The following RPRD2 variants were observed in gnomAD, a reference collection of about 807,000 sequenced individuals.
RPRD2 encodes the protein regulation of nuclear pre-mRNA domain containing 2.
In RPRD2, 12 loss-of-function variants were observed where a neutral mutation model predicts 104.4. That is an observed-to-expected ratio of 0.11 (90% CI 0.07 to 0.19). RPRD2 has a LOEUF of 0.19. Ranked by LOEUF, RPRD2 falls within the 10% of genes least tolerant of loss-of-function variation. The probability of loss-of-function intolerance (pLI) is 1.00; values close to 1 mark genes in which losing one functional copy is unlikely to be tolerated. For synonymous variants in RPRD2, 714 were observed against 684.9 expected (o/e 1.04, Z -0.66); for missense variants, 1,543 against 1,790.1 (o/e 0.86, Z 2.49).
intron 1 of RPRD2, among the ~76,000 whole-genome samples, chr1:150,369,256 C>G (rs1660080897): frequency 6.6e-6 from 1 of 151,984 alleles, no homozygotes; most frequent in South Asian, 2.1e-4. Flanking sequence ...ATTATCATTT[C>G]TGTACTTCGT....
At chr1:150,459,057 A>T (rs755018415) in intron 8 of RPRD2, among the ~76,000 whole-genome samples, 1 of 152,230 alleles carries the variant, frequency 6.6e-6, no homozygotes, top group Non-Finnish European at 1.5e-5. Context: ...GGGGTCACTT[A>T]TACTGGAATT....
chr1:150,394,499 T>G (rs587603170), intron 1 of RPRD2, among the ~76,000 whole-genome samples: 8 of 152,324 alleles, frequency 5.3e-5, no homozygotes, highest in South Asian at 2.1e-4. Context: ...TATAGAGAGA[T>G]AGAGCTGATG....
chr1:150,384,450 C>CATCATCATTATTATTATTATTATT (rs1553881396), intron 1 of RPRD2, among the ~76,000 whole-genome samples: 31 of 132,342 alleles, frequency 2.3e-4, no homozygotes. Context: ...GCATCATCAT[C>CATCATCATTATTATTATTATTATT]ATTATTATTA....
chr1:150,462,458 AAAAC>A (rs1377201645), intron 9 of RPRD2, among the ~76,000 whole-genome samples: 3 of 142,322 alleles, frequency 2.1e-5, no homozygotes, highest in Non-Finnish European at 4.6e-5. Context: ...AAAAAAACAA[AAAAC>A]AAAAAAAAAA....
intron 2 of RPRD2, among the ~76,000 whole-genome samples, chr1:150,430,797 C>T (rs1293235084): frequency 4.0e-5 from 6 of 151,898 alleles, no homozygotes; most frequent in Non-Finnish European, 7.4e-5. Context: ...GACCTGGTGG[C>T]GCATGCCTGT....
intron 10 of RPRD2, among the ~76,000 whole-genome samples, chr1:150,467,039 T>C (rs781864321): frequency 2.6e-5 from 4 of 152,178 alleles, no homozygotes; most frequent in Non-Finnish European, 4.4e-5. Flanking sequence ...TATCCTACAA[T>C]GTGTGAGACA....
chr1:150,404,258 G>A (rs980705672), intron 1 of RPRD2, among the ~76,000 whole-genome samples: 1 of 151,880 alleles, frequency 6.6e-6, no homozygotes, highest in African/African-American at 2.4e-5. Flanking sequence ...TTTTGTTTTT[G>A]TTTTTTGAGA....
At chr1:150,386,121 ATTT>A (rs1267536012) in intron 1 of RPRD2, among the ~76,000 whole-genome samples, 5 of 152,094 alleles carry the variant, frequency 3.3e-5, no homozygotes, top group Non-Finnish European at 7.4e-5. Context: ...GTTCTTACCT[ATTT>A]TTATTTATTT....
chr1:150,460,951 CTG>C (rs1667895529), intron 9 of RPRD2, among the ~76,000 whole-genome samples: 1 of 151,758 alleles, frequency 6.6e-6, no homozygotes, highest in Non-Finnish European at 1.5e-5. Context: ...TCTCAAACTC[CTG>C]ACCTCAGGTG....
At position 150,472,105 on chromosome 1, in the gene RPRD2, G is replaced by C. The variant is rs1170515632; in HGVS notation, c.3157G>C (p.Asp1053His). 1.9e-6 allele frequency: 3 copies of C among 1,613,850 alleles called. No homozygotes were observed. Among genetic ancestry groups the C allele is most frequent in the Non-Finnish European group, 2.5e-6 (3 of 1,179,896 alleles). Residue 1053 changes from aspartate (D) to histidine (H), a missense_variant, in exon 11 of 11, where the codon GAT (aspartate) becomes CAT (histidine). Physicochemically the swap from Asp to His is moderately conservative, Grantham distance 81. Transcript: ENST00000369068. ...CACCCAACCCAGCTTGACCGCCACTGATCAGCAGCAACAAGAAGAGCACTA... is the reference window on the plus strand; with the variant it reads ...CACCCAACCCAGCTTGACCGCCACTCATCAGCAGCAACAAGAAGAGCACTA... ...NLTQPSLTAT[D>H]QQQQEEHYRI...
chr1:150,458,580 G>A (rs910530436), intron 8 of RPRD2, among the ~76,000 whole-genome samples: 1 of 152,228 alleles, frequency 6.6e-6, no homozygotes, highest in Admixed American at 6.5e-5. Context: ...GAAAATATTT[G>A]GGATATATTA....
intron 6 of RPRD2, among the ~76,000 whole-genome samples, chr1:150,444,995 T>C (rs1666663101): frequency 6.6e-6 from 1 of 152,142 alleles, no homozygotes; most frequent in African/African-American, 2.4e-5. Context: ...GAGACTAGCC[T>C]GGGCAACATA....
intron 2 of RPRD2, among the ~76,000 whole-genome samples, chr1:150,435,167 T>G (rs1248383660): frequency 6.6e-6 from 1 of 152,236 alleles, no homozygotes; most frequent in Non-Finnish European, 1.5e-5. Context: ...TTCGTCCATG[T>G]AAGACCGTGA....
In RPRD2 at chr1:150,474,465, C is replaced by G. The variant is rs587595996; in HGVS notation, c.*1131C>G. 1 of 152,208 alleles carries G rather than the reference C, an allele frequency of 6.6e-6. No homozygotes were observed. Among genetic ancestry groups the G allele is most frequent in the South Asian group, 2.1e-4 (1 of 4,820 alleles). 9.4% of individuals were successfully genotyped at this position (152,208 alleles called of 1,614,324 possible). On this transcript the variant is annotated 3_prime_UTR_variant, in exon 11 of 11. Transcript: ENST00000369068. ...CTTTATATTATACACATGTGTCTAT[C>G]CCATTTCAAGGCTCAAGTCTTACCC...
chr1:150,445,140 C>T (rs1307407201), intron 6 of RPRD2, among the ~76,000 whole-genome samples: 4 of 152,182 alleles, frequency 2.6e-5, no homozygotes, highest in African/African-American at 9.7e-5. Flanking sequence ...CTCATCATGT[C>T]ACTGCACTCC....
At chr1:150,408,632 A>C (rs1663675372) in intron 1 of RPRD2, among the ~76,000 whole-genome samples, 1 of 152,162 alleles carries the variant, frequency 6.6e-6, no homozygotes, top group Non-Finnish European at 1.5e-5. Flanking sequence ...GTTTTACATA[A>C]TGGTATATGT....
intron 9 of RPRD2, among the ~76,000 whole-genome samples, chr1:150,460,753 A>T (rs1443781781): frequency 1.5e-5 from 2 of 135,618 alleles, no homozygotes; most frequent in African/African-American, 2.8e-5. Flanking sequence ...TCTGAGACGG[A>T]GTTTCAGTCA....
At chr1:150,455,016 C>T (rs1323660858) in intron 7 of RPRD2, among the ~76,000 whole-genome samples, 1 of 152,176 alleles carries the variant, frequency 6.6e-6, no homozygotes, top group Non-Finnish European at 1.5e-5. Flanking sequence ...ATATTAACAT[C>T]AACAGTGGTA....
chr1:150,394,230 GGTAGAGACAGGGTTTCTTCAT>G (rs1662314670), intron 1 of RPRD2, among the ~76,000 whole-genome samples: 1 of 151,788 alleles, frequency 6.6e-6, no homozygotes. Flanking sequence ...TTGTATTTTT[GGTAGAGACAGGGTTTCTTCAT>G]GTTAGTCAGG....
Sources: gnomAD v4.1 joint callset for allele counts (sites outside exome capture counted in the v4.1 genomes callset) on GRCh38, gnomAD v4.1.1 for gene constraint, MANE v1.5 for transcripts, NCBI Gene and HGNC (gene_info 2026-07-23, HGNC 2026-07-21) for gene names.